Variants in NUP93 observed in about 807,000 individuals in gnomAD.
The protein encoded by NUP93 is nuclear pore complex protein Nup93.
Under a neutral mutation model 107.8 loss-of-function variants are expected in NUP93, and 55 were observed. That is an observed-to-expected ratio of 0.51 (90% CI 0.41 to 0.64). NUP93 has a LOEUF of 0.64. Ranked by LOEUF, NUP93 falls within the 30% of genes least tolerant of loss-of-function variation. NUP93 has a pLI of 0.00. For missense variants in NUP93, 937 were observed against 1,044.7 expected (o/e 0.90, Z 1.42); for synonymous variants, 390 against 397.5 (o/e 0.98, Z 0.22).
At chr16:56,823,657 A>G (rs1415623924) in intron 7 of NUP93, 50 bp from the exon 8 acceptor site, 7 of 1,601,784 alleles carry the variant, frequency 4.4e-6, no homozygotes, top group African/African-American at 1.3e-5. Flanking sequence ...AGAACTAGAT[A>G]ATTTCTCTGG....
chr16:56,733,478 A>C (rs1229684196), intron 1 of NUP93, among the ~76,000 whole-genome samples: 1 of 152,114 alleles, frequency 6.6e-6, no homozygotes, highest in Non-Finnish European at 1.5e-5. Flanking sequence ...CGCTGGGGTG[A>C]CTTGAAGGTG....
intron 9 of NUP93, 56 bp from the exon 10 acceptor site, chr16:56,830,472 T>C (rs1042222288): frequency 4.0e-6 from 6 of 1,489,632 alleles, no homozygotes; most frequent in Non-Finnish European, 5.4e-6. Context: ...TTAGCACATA[T>C]GAAAGCAGTC....
rs1326708350 is a variant in NUP93 at position 56,749,565 on chromosome 16, TCATC to T, written c.179+1141_179+1144del. On this transcript the variant is annotated intron_variant, in intron 2 of 21. Transcript: ENST00000308159. ...AAATTGTCGGTCATCTCCTCAGTCTTCATCCCTTGAACTTGAGAAAGAACTAAGT... is the reference window on the plus strand; with the variant it reads ...AAATTGTCGGTCATCTCCTCAGTCTTCCTTGAACTTGAGAAAGAACTAAGT... Among the ~76,000 whole-genome samples the T allele has an allele frequency of 8.5e-5, 13 of 152,320 alleles. No homozygotes were observed. The East Asian group carries it at 2.5e-3, about 29-fold the overall frequency.
chr16:56,758,994 A>G (rs1962077357), intron 3 of NUP93, among the ~76,000 whole-genome samples: 1 of 152,238 alleles, frequency 6.6e-6, no homozygotes, highest in Non-Finnish European at 1.5e-5. Flanking sequence ...CTAGATCTCA[A>G]ATAATTTTAC....
At chr16:56,783,424 A>G in intron 3 of NUP93, 1 of 964,842 alleles carries the variant, frequency 1.0e-6, no homozygotes. Context: ...ACCCATGACT[A>G]AGATTCCTTT....
At chr16:56,809,660 T>C (rs1963271081) in intron 5 of NUP93, among the ~76,000 whole-genome samples, 2 of 152,280 alleles carry the variant, frequency 1.3e-5, no homozygotes, top group South Asian at 4.1e-4. Flanking sequence ...TACTGAAGTC[T>C]AGGTCAAGGA....
At chr16:56,842,549 T>G (rs933087305) in intron 21 of NUP93, 6 of 418,716 alleles carry the variant, frequency 1.4e-5, no homozygotes, top group Non-Finnish European at 2.8e-5. Context: ...AGTCCAATGG[T>G]GTTTGCTTTT....
chr16:56,801,570 G>C (rs1963022350), intron 4 of NUP93, among the ~76,000 whole-genome samples: 2 of 152,060 alleles, frequency 1.3e-5, no homozygotes, highest in Admixed American at 1.3e-4. Context: ...CTGCCACCAT[G>C]CCCAGCTAAT....
At chr16:56,773,900 T>G (rs1014618486) in intron 3 of NUP93, among the ~76,000 whole-genome samples, 7 of 152,220 alleles carry the variant, frequency 4.6e-5, no homozygotes, top group African/African-American at 1.7e-4. Flanking sequence ...ATAAAGAATT[T>G]ATAAGCACCT....
At chr16:56,831,403 T>C (rs1963783805) in intron 10 of NUP93, 1 of 155,572 alleles carries the variant, frequency 6.4e-6, no homozygotes, top group South Asian at 2.0e-4. Flanking sequence ...GAATTTAAAG[T>C]AGGGTTAATG....
chr16:56,780,130 TCTCC>T (rs1261113775), intron 3 of NUP93, among the ~76,000 whole-genome samples: 2 of 152,192 alleles, frequency 1.3e-5, no homozygotes, highest in Non-Finnish European at 2.9e-5. Context: ...CACACACGTT[TCTCC>T]CTCCCTCCTT....
intron 2 of NUP93, among the ~76,000 whole-genome samples, chr16:56,751,231 A>C (rs1407647560): frequency 6.6e-6 from 1 of 152,174 alleles, no homozygotes; most frequent in Non-Finnish European, 1.5e-5. Context: ...CATCCAACGT[A>C]ACCAATGTTA....
At chr16:56,730,428 C>T (rs1029456441) in intron 1 of NUP93, among the ~76,000 whole-genome samples, 20 of 152,198 alleles carry the variant, frequency 1.3e-4, no homozygotes, top group African/African-American at 4.6e-4. Flanking sequence ...GGGTGCCTTT[C>T]ATTCGTCCAC....
intron 3 of NUP93, among the ~76,000 whole-genome samples, chr16:56,789,827 A>G (rs1304153731): frequency 6.6e-6 from 1 of 152,240 alleles, no homozygotes; most frequent in African/African-American, 2.4e-5. Context: ...GGCCAGGTGC[A>G]GTGGCTCACG....
intron 3 of NUP93, among the ~76,000 whole-genome samples, chr16:56,778,099 G>A (rs1396185631): frequency 3.9e-5 from 6 of 152,194 alleles, no homozygotes; most frequent in African/African-American, 1.4e-4. Context: ...TGTGAAAAGT[G>A]ACGGACAGAC....
At chr16:56,768,399 A>C (rs1460974228) in intron 3 of NUP93, among the ~76,000 whole-genome samples, 10 of 151,826 alleles carry the variant, frequency 6.6e-5, no homozygotes, top group Admixed American at 6.6e-4. Flanking sequence ...CCCTATCTCT[A>C]CTAAAAATAC....
intron 3 of NUP93, among the ~76,000 whole-genome samples, chr16:56,774,579 T>C (rs1389974422): frequency 2.0e-5 from 3 of 152,248 alleles, no homozygotes; most frequent in South Asian, 2.1e-4. Context: ...TCAGTCTGCA[T>C]ATTTGAAAAA....
chr16:56,771,868 A>G (rs573083744), intron 3 of NUP93, among the ~76,000 whole-genome samples: 1 of 152,294 alleles, frequency 6.6e-6, no homozygotes, highest in African/African-American at 2.4e-5. Context: ...AACAAATGCC[A>G]TATTTGGAAC....
At chr16:56,755,188 A>G (rs1449959204) in intron 2 of NUP93, among the ~76,000 whole-genome samples, 2 of 152,238 alleles carry the variant, frequency 1.3e-5, no homozygotes, top group African/African-American at 4.8e-5. Flanking sequence ...TGAAGGAAAA[A>G]TAATAGCCAA....
Sources: allele counts gnomAD v4.1 joint callset (sites outside exome capture counted in the v4.1 genomes callset), GRCh38; gene constraint gnomAD v4.1.1; transcripts MANE v1.5; gene names NCBI Gene and HGNC (gene_info 2026-07-23, HGNC 2026-07-21).